SNTB1: variants seen among roughly 807,000 people sequenced by gnomAD.
The protein encoded by SNTB1 is beta-1-syntrophin.
A neutral mutation model predicts 48.9 loss-of-function variants in SNTB1; 36 were observed. That is an observed-to-expected ratio of 0.74 (90% CI 0.56 to 0.97). SNTB1 has a LOEUF of 0.97. Ranked by LOEUF, SNTB1 falls within the 50% of genes least tolerant of loss-of-function variation. The pLI is 0.00. For missense variants in SNTB1, 786 were observed against 703.4 expected (o/e 1.12, Z -1.33); for synonymous variants, 299 against 294.6 (o/e 1.01, Z -0.15).
intron 2 of SNTB1, among the ~76,000 whole-genome samples, chr8:120,662,793 G>A (rs1239610721): frequency 6.6e-6 from 1 of 152,120 alleles, no homozygotes. Flanking sequence ...AGACTTAAAT[G>A]TACCTTCTAC....
At chr8:120,811,186 C>T in intron 1 of SNTB1, 87 bp downstream of exon 1, 1 of 1,493,534 alleles carries the variant, frequency 6.7e-7, no homozygotes, top group Non-Finnish European at 8.9e-7. Context: ...CGCATGTGGC[C>T]GAGTGAGTGT....
chr8:120,556,998 ACACCAGGATTC>A (rs1304103651), intron 4 of SNTB1, among the ~76,000 whole-genome samples: 2 of 152,202 alleles, frequency 1.3e-5, no homozygotes, highest in Non-Finnish European at 2.9e-5. Context: ...AAGTTAAGTA[ACACCAGGATTC>A]CCAAAGGGCC....
At chr8:120,600,597 T>G (rs965235769) in intron 3 of SNTB1, among the ~76,000 whole-genome samples, 1 of 152,178 alleles carries the variant, frequency 6.6e-6, no homozygotes, top group African/African-American at 2.4e-5. Context: ...TACTCAGCAA[T>G]AGGTAGCTGG....
intron 1 of SNTB1, among the ~76,000 whole-genome samples, chr8:120,716,805 A>T (rs12543075): frequency 2.0e-5 from 3 of 152,028 alleles, no homozygotes; most frequent in African/African-American, 7.3e-5. Flanking sequence ...GAAATAGAAG[A>T]TTTTTTTCTA....
chr8:120,610,888 C>T (rs1433105402), intron 3 of SNTB1, among the ~76,000 whole-genome samples: 1 of 152,192 alleles, frequency 6.6e-6, no homozygotes, highest in African/African-American at 2.4e-5. Flanking sequence ...AGCCAACACA[C>T]CTGCTGTGTG....
At chr8:120,695,076 A>G (rs1260985066) in intron 1 of SNTB1, among the ~76,000 whole-genome samples, 1 of 152,154 alleles carries the variant, frequency 6.6e-6, no homozygotes, top group Non-Finnish European at 1.5e-5. Context: ...AGATTCTTGG[A>G]ACATGCAATG....
intron 3 of SNTB1, among the ~76,000 whole-genome samples, chr8:120,587,278 A>C (rs1816163785): frequency 6.6e-6 from 1 of 152,150 alleles, no homozygotes; most frequent in Admixed American, 6.5e-5. Context: ...ACAACAAAAA[A>C]GAAAACTAAT....
At chr8:120,632,379 G>T in intron 3 of SNTB1, 65 bp downstream of exon 3, 1 of 1,411,670 alleles carries the variant, frequency 7.1e-7, no homozygotes. Flanking sequence ...GATAGTTTTA[G>T]TGGTTATGAG....
intron 1 of SNTB1, 35 bp downstream of exon 1, chr8:120,811,238 C>A: frequency 1.3e-6 from 2 of 1,548,050 alleles, no homozygotes; most frequent in South Asian, 2.4e-5. Context: ...GGTGTGTGCG[C>A]GCCCGGCGCG....
chr8:120,596,520 C>T (rs1377107865), intron 3 of SNTB1, among the ~76,000 whole-genome samples: 1 of 151,430 alleles, frequency 6.6e-6, no homozygotes, highest in Admixed American at 6.6e-5. Flanking sequence ...ATCAAGATGT[C>T]AGCATGGCTG....
chr8:120,734,885 T>A (rs1818916918), intron 1 of SNTB1, among the ~76,000 whole-genome samples: 1 of 152,210 alleles, frequency 6.6e-6, no homozygotes, highest in Non-Finnish European at 1.5e-5. Context: ...GGTTAAAGGA[T>A]GACTGGCTAT....
intron 5 of SNTB1, among the ~76,000 whole-genome samples, chr8:120,544,118 C>T (rs1415701081): frequency 2.6e-5 from 4 of 152,134 alleles, no homozygotes; most frequent in Non-Finnish European, 4.4e-5. Flanking sequence ...TTTCTACAAC[C>T]CGCAGACCAT....
At chr8:120,757,724 C>T (rs563171882) in intron 1 of SNTB1, among the ~76,000 whole-genome samples, 88 of 152,304 alleles carry the variant, frequency 5.8e-4, no homozygotes, top group African/African-American at 2.0e-3. Context: ...GTGAGGGTAT[C>T]TTTCCTTCCT....
At chr8:120,763,627 A>G (rs1165090886) in intron 1 of SNTB1, among the ~76,000 whole-genome samples, 1 of 152,238 alleles carries the variant, frequency 6.6e-6, no homozygotes, top group Non-Finnish European at 1.5e-5. Context: ...TAAACAAAGT[A>G]AAAACCAAAT....
intron 1 of SNTB1, among the ~76,000 whole-genome samples, chr8:120,729,140 G>A (rs761166443): frequency 3.3e-5 from 5 of 152,012 alleles, no homozygotes; most frequent in South Asian, 2.1e-4. Flanking sequence ...CATTAGGCCC[G>A]GCTAATTTTT....
At chr8:120,704,526 A>C (rs182945596) in intron 1 of SNTB1, among the ~76,000 whole-genome samples, 118 of 152,302 alleles carry the variant, frequency 7.7e-4, no homozygotes, top group Non-Finnish European at 2.8e-4. Context: ...ATAAACTGAT[A>C]AAATATCAGT....
At chr8:120,679,636 CCCTAACCTT>C (rs1398737113) in intron 2 of SNTB1, among the ~76,000 whole-genome samples, 1 of 152,210 alleles carries the variant, frequency 6.6e-6, no homozygotes, top group African/African-American at 2.4e-5. Flanking sequence ...AGAATCACTG[CCCTAACCTT>C]ATAAAAGAAG....
intron 4 of SNTB1, among the ~76,000 whole-genome samples, chr8:120,554,567 C>T (rs980591397): frequency 6.6e-6 from 1 of 152,102 alleles, no homozygotes; most frequent in South Asian, 2.1e-4. Context: ...ACCACCACTA[C>T]GACTGCTGTC....
intron 1 of SNTB1, among the ~76,000 whole-genome samples, chr8:120,704,078 G>C (rs902239626): frequency 6.6e-6 from 1 of 152,156 alleles, no homozygotes; most frequent in Admixed American, 6.5e-5. Context: ...CATCCTGGAT[G>C]CTGCCTCTAA....
Sources: allele counts gnomAD v4.1 joint callset (sites outside exome capture counted in the v4.1 genomes callset), GRCh38; gene constraint gnomAD v4.1.1; transcripts MANE v1.5; gene names NCBI Gene and HGNC (gene_info 2026-07-23, HGNC 2026-07-21).